PRH1: variants seen among roughly 807,000 people sequenced by gnomAD.
PRH1 encodes the protein salivary acidic proline-rich phosphoprotein 1/2.
In PRH1, 7 loss-of-function variants were observed where a neutral mutation model predicts 7.9. The observed-to-expected ratio is 0.89, with a 90% CI of 0.50 to 1.67. PRH1 has a LOEUF of 1.67. PRH1 is among the 40% of genes most tolerant of loss of function. PRH1 has a pLI of 0.00. For missense variants in PRH1, 109 were observed against 223.6 expected (o/e 0.49, Z 3.27); for synonymous variants, 45 against 80.8 (o/e 0.56, Z 2.38).
chr12:11,072,837 T>G (rs79051133), intron 1 of PRH1, among the ~76,000 whole-genome samples: 49,340 of 111,890 alleles, frequency 0.44, 8,934 homozygotes, highest in Non-Finnish European at 0.54. Flanking sequence ...TGGCCTTTGT[T>G]TGGTAAGAAC....
chr12:11,044,141 C>G (rs991141027), intron 1 of PRH1, among the ~76,000 whole-genome samples: 3 of 152,132 alleles, frequency 2.0e-5, no homozygotes, highest in Non-Finnish European at 1.5e-5. Context: ...CAAATCCACA[C>G]ACCTACAGTG....
chr12:11,096,104 T>G lies in PRH1; in HGVS notation n.124-48916A>C, dbSNP rs1170430738. On this transcript the variant is annotated intron_variant and non_coding_transcript_variant, in intron 1 of 4. Transcript: ENST00000541977. ...AAGTCTGATAGTTTCTAAAAATATATGAACTGATATACTTTATCACTTTTG... is the reference window on the plus strand; with the variant it reads ...AAGTCTGATAGTTTCTAAAAATATAGGAACTGATATACTTTATCACTTTTG... Among the ~76,000 whole-genome samples the G allele has an allele frequency of 3.1e-4, 36 of 115,536 alleles. 8 individuals carry two copies. Among genetic ancestry groups the G allele is most frequent in the African/African-American group, 1.0e-3 (35 of 34,484 alleles). 75.8% of individuals were successfully genotyped at this position (115,536 alleles called of 152,430 possible).
At chr12:11,145,930 A>G (rs1355458588) in intron 1 of PRH1, among the ~76,000 whole-genome samples, 1 of 152,178 alleles carries the variant, frequency 6.6e-6, no homozygotes. Context: ...ACATAGCTCT[A>G]TAACTGTTTT....
At chr12:11,026,938 A>G (rs1431771425) in intron 1 of PRH1, among the ~76,000 whole-genome samples, 1 of 152,186 alleles carries the variant, frequency 6.6e-6, no homozygotes, top group East Asian at 1.9e-4. Context: ...TTTAATTTAC[A>G]TTTTTTAAAA....
At chr12:11,128,859 C>A (rs922195599) in intron 1 of PRH1, among the ~76,000 whole-genome samples, 1 of 152,170 alleles carries the variant, frequency 6.6e-6, no homozygotes, top group East Asian at 1.9e-4. Flanking sequence ...TAAGCAGGAA[C>A]CAAAGATTGT....
At chr12:11,131,613 T>C (rs1424539324) in intron 1 of PRH1, among the ~76,000 whole-genome samples, 1 of 149,478 alleles carries the variant, frequency 6.7e-6, no homozygotes, top group East Asian at 2.0e-4. Flanking sequence ...TTTATATGCT[T>C]TTTTAAAATA....
chr12:10,956,258 G>A (rs1022308967), intron 2 of PRH1, among the ~76,000 whole-genome samples: 1 of 152,146 alleles, frequency 6.6e-6, no homozygotes, highest in South Asian at 2.1e-4. Flanking sequence ...TGGGATACAA[G>A]TTTGGTTAAA....
At chr12:11,004,124 G>A (rs2136025919) in intron 1 of PRH1, among the ~76,000 whole-genome samples, 1 of 152,220 alleles carries the variant, frequency 6.6e-6, no homozygotes, top group East Asian at 1.9e-4. Context: ...TAGGAGCAGT[G>A]TATGAAAATT....
At chr12:11,145,346 C>A (rs370553923) in intron 1 of PRH1, among the ~76,000 whole-genome samples, 13 of 152,228 alleles carry the variant, frequency 8.5e-5, no homozygotes, top group African/African-American at 3.1e-4. Flanking sequence ...ATACATAACA[C>A]CATGCATGGC....
intron 1 of PRH1, chr12:11,077,711 T>C: frequency 1.7e-6 from 2 of 1,162,484 alleles, no homozygotes; most frequent in Non-Finnish European, 1.2e-6. Flanking sequence ...GTGCTTACAG[T>C]CAAGTTTGAA....
intron 1 of PRH1, chr12:11,171,306 C>A: frequency 8.6e-7 from 1 of 1,162,986 alleles, no homozygotes; most frequent in Non-Finnish European, 1.1e-6. Context: ...GGTCCGCGGG[C>A]CCTGCGGCAA....
At chr12:11,049,618 T>A (rs2136145779), upstream of PRH1, among the ~76,000 whole-genome samples, 1 of 152,342 alleles carries the variant, frequency 6.6e-6, no homozygotes, top group East Asian at 1.9e-4. Context: ...TTTGCAATTG[T>A]TGTCCTTGCT....
At chr12:11,022,008 A>T in intron 1 of PRH1, 1 of 1,607,710 alleles carries the variant, frequency 6.2e-7, no homozygotes, top group Non-Finnish European at 8.5e-7. Context: ...GGCTCAGAGT[A>T]AAGGGTATGA....
intron 2 of PRH1, among the ~76,000 whole-genome samples, chr12:10,899,466 G>A (rs192497205): frequency 6.6e-5 from 10 of 152,240 alleles, no homozygotes; most frequent in Non-Finnish European, 1.3e-4. Context: ...TGAATGCCTT[G>A]GTACCATTTT....
At chr12:10,958,330 C>A (rs1938076021) in intron 2 of PRH1, among the ~76,000 whole-genome samples, 1 of 152,066 alleles carries the variant, frequency 6.6e-6, no homozygotes, top group Admixed American at 6.5e-5. Context: ...CACATGTTCT[C>A]ACTTATAAGT....
downstream of PRH1, among the ~76,000 whole-genome samples, chr12:11,117,469 T>C (rs1215563049): frequency 6.6e-6 from 1 of 152,122 alleles, no homozygotes; most frequent in Non-Finnish European, 1.5e-5. Flanking sequence ...AGTATCAACA[T>C]TGTTAAAATG....
intron 1 of PRH1, among the ~76,000 whole-genome samples, chr12:11,014,190 T>G (rs1941188902): frequency 6.6e-6 from 1 of 152,230 alleles, no homozygotes; most frequent in Non-Finnish European, 1.5e-5. Context: ...AGAGATTACA[T>G]GAGATCACCA....
intron 2 of PRH1, among the ~76,000 whole-genome samples, chr12:10,905,771 G>A (rs1220748828): frequency 2.0e-5 from 3 of 152,038 alleles, no homozygotes; most frequent in Non-Finnish European, 4.4e-5. Context: ...CAGCAGCACG[G>A]ATGCAGCTAA....
At position 11,029,841 on chromosome 12, in the gene PRH1, CT is replaced by C. The variant is rs142401915; in HGVS notation, c.-126+17178del. ...TCTTTTCTAACAATAATTCTCATTGCTTTTTACTAAACATAAAATAGAAATT... is the reference window on the plus strand; with the variant it reads ...TCTTTTCTAACAATAATTCTCATTGCTTTTACTAAACATAAAATAGAAATT... On this transcript the variant is annotated intron_variant, in intron 1 of 3. Coordinates refer to the PRH1 transcript ENST00000539853. Among the ~76,000 whole-genome samples the C allele has an allele frequency of 3.4e-3, 515 of 152,266 alleles. 4 individuals are homozygous for C. Among genetic ancestry groups the C allele is most frequent in the African/African-American group, 0.012 (488 of 41,554 alleles).
Sources: gnomAD v4.1 joint callset for allele counts (sites outside exome capture counted in the v4.1 genomes callset) on GRCh38, gnomAD v4.1.1 for gene constraint, MANE v1.5 for transcripts, NCBI Gene and HGNC (gene_info 2026-07-23, HGNC 2026-07-21) for gene names.